MOGAT1: variants seen among roughly 807,000 people sequenced by gnomAD.
MOGAT1 encodes the protein 2-acylglycerol O-acyltransferase 1.
A neutral mutation model predicts 31.4 loss-of-function variants in MOGAT1; 32 were observed. That is an observed-to-expected ratio of 1.02 (90% CI 0.77 to 1.37). MOGAT1 has a LOEUF of 1.37. MOGAT1 is among the 40% of genes most tolerant of loss of function. The probability of loss-of-function intolerance (pLI) is 0.00; values close to 1 mark genes in which losing one functional copy is unlikely to be tolerated. For synonymous variants in MOGAT1, 145 were observed against 144.5 expected (o/e 1.00, Z -0.03); for missense variants, 426 against 402.0 (o/e 1.06, Z -0.51).
intron 5 of MOGAT1, among the ~76,000 whole-genome samples, chr2:222,708,199 T>C (rs960772450): frequency 7.2e-5 from 11 of 152,168 alleles, no homozygotes; most frequent in Non-Finnish European, 1.5e-4. Flanking sequence ...TTGTCCTGCC[T>C]CAGCCTCCCG....
intron 5 of MOGAT1, among the ~76,000 whole-genome samples, chr2:222,700,658 A>G (rs940241404): frequency 2.0e-5 from 3 of 152,340 alleles, no homozygotes; most frequent in Admixed American, 6.5e-5. Flanking sequence ...CTAGACCCTC[A>G]AGACTGTATT....
At chr2:222,682,353 G>T (rs1328372154) in intron 1 of MOGAT1, among the ~76,000 whole-genome samples, 1 of 152,018 alleles carries the variant, frequency 6.6e-6, no homozygotes, top group East Asian at 1.9e-4. Flanking sequence ...TTCCCTCATC[G>T]TCTTCAACTT....
chr2:222,681,266 A>T (rs1692576486), intron 1 of MOGAT1, among the ~76,000 whole-genome samples: 1 of 152,196 alleles, frequency 6.6e-6, no homozygotes, highest in South Asian at 2.1e-4. Flanking sequence ...TTTAGATGCC[A>T]ACCACAAGTC....
intron 1 of MOGAT1, chr2:222,677,815 G>C (rs1266196777): frequency 3.7e-6 from 1 of 273,158 alleles, no homozygotes; most frequent in Non-Finnish European, 7.5e-6. Flanking sequence ...TCTAATCTTT[G>C]CTAATGCCTT....
At chr2:222,702,324 T>C (rs867811836) in intron 5 of MOGAT1, among the ~76,000 whole-genome samples, 1 of 152,192 alleles carries the variant, frequency 6.6e-6, no homozygotes, top group Admixed American at 6.5e-5. Context: ...AGTTTGAATT[T>C]GGATTAAGTA....
intron 1 of MOGAT1, among the ~76,000 whole-genome samples, chr2:222,683,591 A>G (rs995205389): frequency 2.0e-5 from 3 of 151,998 alleles, no homozygotes; most frequent in African/African-American, 7.2e-5. Flanking sequence ...AGCCAGCCAT[A>G]GTGGCACGTG....
chr2:222,687,844 T>C lies in MOGAT1; in HGVS notation c.95-500T>C, dbSNP rs551891481. Among the ~76,000 whole-genome samples, 10 of 152,332 alleles carry C rather than the reference T, an allele frequency of 6.6e-5. No homozygotes were observed. The East Asian group carries it at 1.9e-3, about 29-fold the overall frequency. On this transcript the variant is annotated intron_variant, in intron 1 of 5. Coordinates refer to ENST00000446656, the MANE Select transcript of MOGAT1 (RefSeq NM_058165.3). ...TGGAATTTTCTGTAGTAGGAAATTCTCTACATCCCTCCTGTCGGTGATGAT... is the reference window on the plus strand; with the variant it reads ...TGGAATTTTCTGTAGTAGGAAATTCCCTACATCCCTCCTGTCGGTGATGAT...
intron 1 of MOGAT1, among the ~76,000 whole-genome samples, chr2:222,672,196 ACC>A (rs762003424): frequency 1.3e-5 from 2 of 152,184 alleles, no homozygotes; most frequent in Non-Finnish European, 2.9e-5. Context: ...TGTAACCATG[ACC>A]CCATCGAACG....
intron 5 of MOGAT1, among the ~76,000 whole-genome samples, chr2:222,702,053 C>G (rs1692938144): frequency 6.6e-6 from 1 of 152,170 alleles, no homozygotes; most frequent in Non-Finnish European, 1.5e-5. Flanking sequence ...AGGCCTCCTG[C>G]CTAGCTTGTT....
At chr2:222,703,932 AG>A (rs1692966665) in intron 5 of MOGAT1, among the ~76,000 whole-genome samples, 1 of 152,172 alleles carries the variant, frequency 6.6e-6, no homozygotes, top group Non-Finnish European at 1.5e-5. Context: ...AAGCCCACAA[AG>A]CTCCCTCATC....
chr2:222,683,431 A>T (rs1314618502), intron 1 of MOGAT1, among the ~76,000 whole-genome samples: 1 of 52,986 alleles, frequency 1.9e-5, no homozygotes, highest in Non-Finnish European at 3.4e-5. Context: ...CACTTAAATT[A>T]AAAAAAAAAA....
intron 1 of MOGAT1, among the ~76,000 whole-genome samples, chr2:222,685,510 T>C (rs919072332): frequency 1.6e-4 from 24 of 152,210 alleles, no homozygotes; most frequent in Admixed American, 2.6e-4. Flanking sequence ...AAACATGTAA[T>C]GAGCATTAAA....
intron 1 of MOGAT1, among the ~76,000 whole-genome samples, chr2:222,672,432 G>A (rs1469530740): frequency 6.6e-6 from 1 of 152,148 alleles, no homozygotes; most frequent in Admixed American, 6.5e-5. Flanking sequence ...GCATTTGGTT[G>A]AGCGGTTTCT....
intron 3 of MOGAT1, among the ~76,000 whole-genome samples, chr2:222,691,771 TA>T (rs1692766528): frequency 1.3e-5 from 2 of 152,178 alleles, no homozygotes. Context: ...CCTCACGTAG[TA>T]AGGAACCATA....
intron 5 of MOGAT1, among the ~76,000 whole-genome samples, chr2:222,709,171 A>G (rs984217493): frequency 2.0e-5 from 3 of 152,122 alleles, no homozygotes; most frequent in Non-Finnish European, 4.4e-5. Flanking sequence ...AAAAAAAATT[A>G]GCCGGGCATG....
chr2:222,682,039 AT>A (rs1260567712), intron 1 of MOGAT1, among the ~76,000 whole-genome samples: 7 of 152,332 alleles, frequency 4.6e-5, no homozygotes, highest in African/African-American at 1.7e-4. Flanking sequence ...TAAAATAAAA[AT>A]TTTTGAAAAC....
In MOGAT1 at chr2:222,707,140, C is replaced by T. The variant is rs182636783; in HGVS notation, c.854-2596C>T. Among the ~76,000 whole-genome samples the T allele has an allele frequency of 1.2e-4, 18 of 151,228 alleles. 1 individual carries two copies. Among genetic ancestry groups the T allele is most frequent in the South Asian group, 4.2e-4 (2 of 4,788 alleles). On this transcript the variant is annotated intron_variant, in intron 5 of 5. Coordinates refer to ENST00000446656, the MANE Select transcript of MOGAT1 (RefSeq NM_058165.3). ...CCAGGAGGCGGAGGCTGCAGTGAGACGAGATCACACCATTACAGTCTAGCA... is the reference window on the plus strand; with the variant it reads ...CCAGGAGGCGGAGGCTGCAGTGAGATGAGATCACACCATTACAGTCTAGCA...
intron 1 of MOGAT1, among the ~76,000 whole-genome samples, chr2:222,680,028 C>T (rs1692554508): frequency 1.4e-5 from 2 of 146,488 alleles, no homozygotes; most frequent in Admixed American, 1.3e-4. Context: ...TCGGTAAAAG[C>T]TCTCCTTCTA....
At chr2:222,672,924 T>TATC (rs1692442080) in intron 1 of MOGAT1, among the ~76,000 whole-genome samples, 3 of 145,774 alleles carry the variant, frequency 2.1e-5, no homozygotes, top group African/African-American at 4.9e-5. Flanking sequence ...TTATTATTAT[T>TATC]ATCTTTGAGA....
Sources: allele counts gnomAD v4.1 joint callset (sites outside exome capture counted in the v4.1 genomes callset), GRCh38; gene constraint gnomAD v4.1.1; transcripts MANE v1.5; gene names NCBI Gene and HGNC (gene_info 2026-07-23, HGNC 2026-07-21).